SYNE2: variants seen among roughly 807,000 people sequenced by gnomAD.
SYNE2 encodes nesprin-2.
SYNE2 carries 431 observed loss-of-function variants against 856.3 expected under a neutral mutation model. That is an observed-to-expected ratio of 0.50 (90% CI 0.47 to 0.55). SYNE2 has a LOEUF of 0.55. Among genes scored for constraint, SYNE2 ranks in the 20% least tolerant of loss-of-function variants. The probability of loss-of-function intolerance (pLI) is 0.00; values close to 1 mark genes in which losing one functional copy is unlikely to be tolerated. For missense variants in SYNE2, 8,129 were observed against 8,023.2 expected (o/e 1.01, Z -0.50); for synonymous variants, 2,923 against 2,872.3 (o/e 1.02, Z -0.56).
chr14:64,068,861 CAAAAAAAA>C (rs10546690), intron 51 of SYNE2, among the ~76,000 whole-genome samples: 1 of 76,630 alleles, frequency 1.3e-5, no homozygotes, highest in East Asian at 3.9e-4. Flanking sequence ...GACTCCGTCT[CAAAAAAAA>C]AAAAAAAAAA....
Position 64,209,503 on chromosome 14 carries a change from T to G in SYNE2, c.18465T>G (p.Ala6155=). 6.2e-7 allele frequency: 1 copy of G among 1,614,230 alleles called. No homozygotes were observed. The highest frequency in any genetic ancestry group is 8.5e-7 in the Non-Finnish European group (1 of 1,180,040). The change falls in exon 102 of 116, where the codon GCT becomes GCG. Residue 6155 remains alanine (A), a synonymous_variant. Transcript: ENST00000555002. Reference sequence around the variant, plus strand: ...GCTTTGAGGACTGGCTCAAGTCAGCTGAGAGGACGGCAGCCTGCCCAAATT... The same window carrying G: ...GCTTTGAGGACTGGCTCAAGTCAGCGGAGAGGACGGCAGCCTGCCCAAATT... The part of the protein sequence containing the change: ...YSRFEDWLKS[A]ERTAACPNSS...
chr14:63,826,616 A>G (rs917871451), intron 1 of SYNE2, among the ~76,000 whole-genome samples: 4 of 152,040 alleles, frequency 2.6e-5, no homozygotes, highest in African/African-American at 4.8e-5. Flanking sequence ...AGTTTTTTCA[A>G]TGTATGTTCC....
chr14:63,766,283 T>C (rs1388954832), intron 1 of SYNE2, among the ~76,000 whole-genome samples: 2 of 152,112 alleles, frequency 1.3e-5, no homozygotes, highest in African/African-American at 2.4e-5. Context: ...TTTCACCATG[T>C]TGGCCAGGCT....
At chr14:64,103,855 C>T (rs1369425914) in intron 64 of SYNE2, among the ~76,000 whole-genome samples, 4 of 152,198 alleles carry the variant, frequency 2.6e-5, no homozygotes, top group African/African-American at 9.7e-5. Flanking sequence ...CCTTCCCATC[C>T]ACAAAGACCC....
At chr14:64,059,552 G>A (rs1417899952) in intron 49 of SYNE2, among the ~76,000 whole-genome samples, 1 of 152,222 alleles carries the variant, frequency 6.6e-6, no homozygotes, top group African/African-American at 2.4e-5. Flanking sequence ...GCTGCCTAGA[G>A]CTGGGGTAGG....
intron 66 of SYNE2, among the ~76,000 whole-genome samples, chr14:64,114,894 A>G (rs1298446458): frequency 6.6e-6 from 1 of 152,184 alleles, no homozygotes; most frequent in African/African-American, 2.4e-5. Flanking sequence ...GTGCTGGATT[A>G]CAGGCGTGAG....
At chr14:64,105,413 T>G (rs1209288089) in intron 64 of SYNE2, among the ~76,000 whole-genome samples, 1 of 152,228 alleles carries the variant, frequency 6.6e-6, no homozygotes, top group Non-Finnish European at 1.5e-5. Context: ...CAGTCACTGT[T>G]TTCAGTAGAA....
intron 89 of SYNE2, 60 bp downstream of exon 89, chr14:64,163,641 C>T: frequency 6.3e-7 from 1 of 1,594,542 alleles, no homozygotes; most frequent in Non-Finnish European, 8.6e-7. Flanking sequence ...ATCCTCAATC[C>T]CTTGTATCCT....
At chr14:63,956,523 T>C (rs2096243773) in intron 8 of SYNE2, 1 of 439,170 alleles carries the variant, frequency 2.3e-6, no homozygotes, top group African/African-American at 2.0e-5. Context: ...TGACTGTGGA[T>C]TTGTCACTTA....
intron 45 of SYNE2, among the ~76,000 whole-genome samples, chr14:64,035,030 A>G (rs953966765): frequency 6.6e-6 from 1 of 151,328 alleles, no homozygotes; most frequent in Admixed American, 6.6e-5. Context: ...CCTACATGAC[A>G]TAATTGCTTT....
At chr14:64,033,112 G>A (rs2097054684) in intron 45 of SYNE2, among the ~76,000 whole-genome samples, 1 of 152,168 alleles carries the variant, frequency 6.6e-6, no homozygotes, top group East Asian at 1.9e-4. Context: ...AGGTTGCAGT[G>A]AGCCATGATT....
In SYNE2 at chr14:63,998,199, T is replaced by G. The variant is rs1026774922; in HGVS notation, c.3244-20T>G. 1.3e-6 allele frequency: 2 copies of G among 1,520,588 alleles called. No homozygotes were observed. The highest frequency in any genetic ancestry group is 3.3e-5 in the Admixed American group (2 of 59,888). The allele number at this position is 1,520,588 out of a possible 1,614,324, so 94.2% of individuals were successfully genotyped here. ...AGTATGTTTAAGATATTTCGTTTAC[T>G]ATTTTGCATATTCCCTTAGGCAATG... On this transcript the variant is annotated intron_variant, in intron 25 of 115. Transcript: ENST00000555002.
chr14:63,987,963 T>A (rs533110839), intron 19 of SYNE2, among the ~76,000 whole-genome samples: 63 of 152,380 alleles, frequency 4.1e-4, no homozygotes, highest in African/African-American at 1.3e-3. Context: ...CAGAGTTGTA[T>A]TTTTATATGT....
chr14:63,983,180 T>G lies in SYNE2; in HGVS notation c.2001+386T>G, dbSNP rs539983034. ...TTCATTCCTTTTTATTGGCAAATAA[T>G]AATTCATTGTATGGATATACCACAT... On this transcript the variant is annotated intron_variant, in intron 17 of 115. Transcript: ENST00000555002. Among the ~76,000 whole-genome samples, 27 of 152,352 alleles carry G rather than the reference T, an allele frequency of 1.8e-4. No homozygotes were observed. In the East Asian group the frequency reaches 3.5e-3, roughly 20 times the overall value.
At chr14:64,022,557 G>A (rs2096943407) in intron 37 of SYNE2, among the ~76,000 whole-genome samples, 194 bp from the exon 38 acceptor site, 1 of 151,912 alleles carries the variant, frequency 6.6e-6, no homozygotes, top group South Asian at 2.1e-4. Flanking sequence ...TCAAACCTTG[G>A]TGAAAGGTTC....
At chr14:63,809,616 C>T (rs1888535723) in intron 1 of SYNE2, among the ~76,000 whole-genome samples, 1 of 152,186 alleles carries the variant, frequency 6.6e-6, no homozygotes, top group Admixed American at 6.5e-5. Flanking sequence ...GCTCCTGCCT[C>T]ATCCTCCCAA....
At chr14:63,815,091 C>G (rs1351794975) in intron 1 of SYNE2, among the ~76,000 whole-genome samples, 3 of 105,866 alleles carry the variant, frequency 2.8e-5, no homozygotes, top group African/African-American at 9.8e-5. Context: ...CATATATATG[C>G]ACATATATAT....
Position 64,109,515 on chromosome 14 carries a change from C to G in SYNE2, c.12609+1908C>G, listed in dbSNP as rs1410975361. ...AGGATTCAAACCCAGATCTTTCTGA[C>G]TCTGAGTTTAAAACCTGAGCTTTGA... On this transcript the variant is annotated intron_variant, in intron 65 of 115. Coordinates refer to ENST00000555002, the MANE Select transcript of SYNE2 (RefSeq NM_182914.3). Among the ~76,000 whole-genome samples the G allele has an allele frequency of 2.6e-5, 4 of 152,258 alleles. No individual in the cohort carries two copies. The South Asian group carries it at 8.3e-4, about 32-fold the overall frequency.
At chr14:63,910,873 G>C (rs1177440366) in intron 2 of SYNE2, among the ~76,000 whole-genome samples, 3 of 152,180 alleles carry the variant, frequency 2.0e-5, no homozygotes, top group African/African-American at 7.2e-5. Context: ...TACTCTCAAA[G>C]TATTTCTTGT....
Sources: gnomAD v4.1 joint callset for allele counts (sites outside exome capture counted in the v4.1 genomes callset) on GRCh38, gnomAD v4.1.1 for gene constraint, MANE v1.5 for transcripts, NCBI Gene and HGNC (gene_info 2026-07-23, HGNC 2026-07-21) for gene names.